The following MYO5A variants were observed in gnomAD, a reference collection of about 807,000 sequenced individuals.
MYO5A encodes the protein unconventional myosin-Va.
Under a neutral mutation model 249.7 loss-of-function variants are expected in MYO5A, and 98 were observed. The observed-to-expected ratio is 0.39, with a 90% CI of 0.33 to 0.46. The LOEUF is 0.46. Ranked by LOEUF, MYO5A falls within the 20% of genes least tolerant of loss-of-function variation. The pLI, the probability that MYO5A is intolerant of heterozygous loss-of-function variation, is 0.98. For synonymous variants in MYO5A, 778 were observed against 810.6 expected, an observed-to-expected ratio of 0.96 and a Z score of 0.68; for missense variants, 1,696 against 2,308.8, an observed-to-expected ratio of 0.73 and a Z score of 5.44.
intron 3 of MYO5A, among the ~76,000 whole-genome samples, chr15:52,428,011 T>C (rs1214395154): frequency 1.3e-5 from 2 of 152,188 alleles, no homozygotes; most frequent in African/African-American, 4.8e-5. Flanking sequence ...TCTGCATGGC[T>C]GAGTAATTGA....
Position 52,407,414 on chromosome 15 carries a change from A to C in MYO5A, c.839-15T>G. The C allele has an allele frequency of 6.2e-7, 1 of 1,601,824 alleles. No individual in the cohort carries two copies. Among genetic ancestry groups the C allele is most frequent in the Non-Finnish European group, 8.6e-7 (1 of 1,168,976 alleles). On this transcript the variant is annotated splice_polypyrimidine_tract_variant and intron_variant, in intron 7 of 41. Coordinates refer to ENST00000399233, the MANE Select transcript of MYO5A (RefSeq NM_001382347.1). ...ATCTGCATTTCCTGTAATGAAGAAA[A>C]ATAAAAATTTTCTGGTTTATGAAAA...
At chr15:52,473,405 C>T (rs1381892457) in intron 1 of MYO5A, among the ~76,000 whole-genome samples, 1 of 152,138 alleles carries the variant, frequency 6.6e-6, no homozygotes, top group Non-Finnish European at 1.5e-5. Flanking sequence ...TTAATTAGAT[C>T]CCATTTGTCA....
intron 34 of MYO5A, among the ~76,000 whole-genome samples, chr15:52,335,106 C>T (rs190780195): frequency 6.6e-6 from 1 of 152,194 alleles, no homozygotes; most frequent in Non-Finnish European, 1.5e-5. Context: ...TTGAACCAAG[C>T]AAGAATTAGA....
intron 6 of MYO5A, among the ~76,000 whole-genome samples, chr15:52,409,373 T>C (rs916358510): frequency 5.3e-5 from 8 of 152,182 alleles, no homozygotes; most frequent in African/African-American, 1.9e-4. Context: ...CCTATAGAAA[T>C]AGCCATCAGC....
intron 1 of MYO5A, chr15:52,437,982 A>G (rs991979129): frequency 8.9e-5 from 85 of 957,366 alleles, no homozygotes; most frequent in Middle Eastern, 1.1e-3. Flanking sequence ...TTTACCTCTG[A>G]GGAAAGCATC....
chr15:52,346,304 T>C, intron 30 of MYO5A, 57 bp downstream of exon 30: 1 of 1,071,288 alleles, frequency 9.3e-7, no homozygotes, highest in South Asian at 1.3e-5. Flanking sequence ...GAGGCTGGCT[T>C]GAAGGCTAAA....
intron 1 of MYO5A, among the ~76,000 whole-genome samples, chr15:52,495,394 G>T (rs560891712): frequency 2.6e-5 from 4 of 152,194 alleles, no homozygotes; most frequent in African/African-American, 7.2e-5. Flanking sequence ...ACCAGAGGCT[G>T]AGGGCCAGGA....
Position 52,314,107 on chromosome 15 carries a change from A to T in MYO5A, c.5490+16T>A. ...GACTGTGTTGGTGAATCAAAGAAGA[A>T]GATGGGAGCTCTTACCTGTATAGTA... On this transcript the variant is annotated intron_variant, in intron 41 of 41. Coordinates refer to ENST00000399233, the MANE Select transcript of MYO5A (RefSeq NM_001382347.1). 1 of 1,580,054 alleles carries T rather than the reference A, an allele frequency of 6.3e-7. No homozygotes were observed. Among genetic ancestry groups the T allele is most frequent in the Non-Finnish European group, 8.7e-7 (1 of 1,149,934 alleles).
chr15:52,360,951 C>T (rs1397899371), intron 24 of MYO5A, among the ~76,000 whole-genome samples: 2 of 152,170 alleles, frequency 1.3e-5, no homozygotes, highest in African/African-American at 4.8e-5. Context: ...AGAGCTTTCT[C>T]ATCTGTCCAG....
intron 36 of MYO5A, 58 bp from the exon 37 acceptor site, chr15:52,323,502 A>G: frequency 7.8e-7 from 1 of 1,289,060 alleles, no homozygotes; most frequent in East Asian, 2.3e-5. Flanking sequence ...CAACCTAAAA[A>G]AAATTGAACA....
rs1443058006 is a variant in MYO5A at position 52,353,650 on chromosome 15, T to G, written c.3576A>C (p.Glu1192Asp). The G allele has an allele frequency of 4.3e-6, 7 of 1,613,590 alleles. No individual in the cohort carries two copies. The highest frequency in any genetic ancestry group is 5.9e-6 in the Non-Finnish European group (7 of 1,179,572). Reference protein sequence around the residue: ...QVLRSKAKEEERPQIRGAELE... With the variant: ...QVLRSKAKEEDRPQIRGAELE... ...GTTCTGCACCTCTAATTTGTGGTCT[T>G]TCTTCTTCCTAGGGAAAAGTTAAAG... The change falls in exon 27 of 42, where the codon GAA (glutamate) becomes GAC (aspartate). Residue 1192 changes from glutamate to aspartate, a missense_variant. Glu to Asp is a conservative substitution (Grantham distance 45). Transcript: ENST00000399233.
chr15:52,402,736 T>G (rs2042818647), intron 9 of MYO5A, among the ~76,000 whole-genome samples: 1 of 151,970 alleles, frequency 6.6e-6, no homozygotes, highest in South Asian at 2.1e-4. Context: ...TCCCAGCTAC[T>G]CGGGAGGCTG....
At chr15:52,370,798 C>T (rs16964928) in intron 21 of MYO5A, among the ~76,000 whole-genome samples, 2 of 151,986 alleles carry the variant, frequency 1.3e-5, no homozygotes, top group East Asian at 1.9e-4. Flanking sequence ...GTGATGCGTA[C>T]GAATGATTAA....
At chr15:52,458,800 A>T (rs932199370) in intron 1 of MYO5A, among the ~76,000 whole-genome samples, 1 of 151,834 alleles carries the variant, frequency 6.6e-6, no homozygotes, top group Non-Finnish European at 1.5e-5. Flanking sequence ...TCATTTTATA[A>T]CATTCTTTCA....
rs1479522952 is a variant in MYO5A at position 52,410,421 on chromosome 15, T to C, written c.668A>G (p.Tyr223Cys). 2 of 1,613,460 alleles carry C rather than the reference T, an allele frequency of 1.2e-6. No homozygotes were observed. The highest frequency in any genetic ancestry group is 1.7e-5 in the Admixed American group (1 of 59,996). Reference sequence around the variant, plus strand: ...TCTCTTATCAAAACCAATCTCAATATACTTCCCAAAACGGCTGCTATTATC... The same window carrying C: ...TCTCTTATCAAAACCAATCTCAATACACTTCCCAAAACGGCTGCTATTATC... ...RNDNSSRFGK[Y>C]IEIGFDKRYR... Residue 223 changes from tyrosine to cysteine, a missense_variant, in exon 6 of 42, where the codon TAT (tyrosine) becomes TGT (cysteine). Physicochemically the swap from Tyr to Cys is radical, Grantham distance 194 (BLOSUM62 -2). Transcript: ENST00000399233.
At chr15:52,362,717 C>G (rs2040594053) in intron 24 of MYO5A, among the ~76,000 whole-genome samples, 3 of 152,162 alleles carry the variant, frequency 2.0e-5, no homozygotes, top group Admixed American at 2.0e-4. Context: ...TAGAGCACTG[C>G]TGGGAACAGA....
chr15:52,369,154 C>T (rs1293317164), intron 22 of MYO5A, among the ~76,000 whole-genome samples: 1 of 152,098 alleles, frequency 6.6e-6, no homozygotes, highest in Non-Finnish European at 1.5e-5. Flanking sequence ...CCTGTAATGC[C>T]ATGGAAGGAC....
At chr15:52,517,853 G>A (rs1359546952) in intron 1 of MYO5A, among the ~76,000 whole-genome samples, 1 of 151,752 alleles carries the variant, frequency 6.6e-6, no homozygotes, top group Non-Finnish European at 1.5e-5. Context: ...TAAATCAATA[G>A]TTGACAATGA....
chr15:52,512,522 AT>A (rs1284138357), intron 1 of MYO5A, among the ~76,000 whole-genome samples: 1 of 109,130 alleles, frequency 9.2e-6, no homozygotes, highest in Admixed American at 9.5e-5. Flanking sequence ...GCTAAAAAAT[AT>A]ATATATATAT....
Sources: gnomAD v4.1 joint callset for allele counts (sites outside exome capture counted in the v4.1 genomes callset) on GRCh38, gnomAD v4.1.1 for gene constraint, MANE v1.5 for transcripts, NCBI Gene and HGNC (gene_info 2026-07-23, HGNC 2026-07-21) for gene names.